KCNT1: variants seen among roughly 807,000 people sequenced by gnomAD.
KCNT1 encodes the protein potassium sodium-activated channel subfamily T member 1, also known as potassium channel subfamily T member 1.
A neutral mutation model predicts 147.8 loss-of-function variants in KCNT1; 78 were observed. The ratio of observed to expected loss-of-function variants is 0.53; its 90% confidence interval spans 0.44 to 0.64. The LOEUF (loss-of-function observed/expected upper bound fraction) is 0.64, where lower values mean the gene tolerates loss of function less well. Among genes scored for constraint, KCNT1 ranks in the 30% least tolerant of loss-of-function variants. The pLI is 0.00. For synonymous variants in KCNT1, 867 were observed against 748.8 expected (o/e 1.16, Z -2.58); for missense variants, 1,419 against 1,750.3 (o/e 0.81, Z 3.38).
At position 135,714,516 on chromosome 9, in the gene KCNT1, G is replaced by T; in HGVS notation, c.111-61G>T. The T allele has an allele frequency of 1.0e-6, 1 of 981,504 alleles. No individual in the cohort carries two copies. The highest frequency in any genetic ancestry group is 1.2e-6 in the Non-Finnish European group (1 of 826,052). The allele number at this position is 981,504 out of a possible 1,614,324, so 60.8% of individuals were successfully genotyped here. ...CGCGGGCCGGGCCTGGCGGGCCGGGGGCTGCGCGCGTCCGCGAGGGCGCCC... is the reference window on the plus strand; with the variant it reads ...CGCGGGCCGGGCCTGGCGGGCCGGGTGCTGCGCGCGTCCGCGAGGGCGCCC... On this transcript the variant is annotated intron_variant, in intron 1 of 30. Coordinates refer to ENST00000371757, the MANE Select transcript of KCNT1 (RefSeq NM_020822.3). The surrounding 1 kb of genome is among the most constrained non-coding windows in gnomAD (Gnocchi z 6.2).
At position 135,759,824 on chromosome 9, in the gene KCNT1, A is replaced by G. The variant is rs1440911694; in HGVS notation, c.1000A>G (p.Met334Val). Residue 334 changes from methionine to valine, a missense_variant, in exon 11 of 31, where the codon ATG becomes GTG. Met to Val is a conservative substitution (Grantham distance 21, BLOSUM62 1). Coordinates refer to ENST00000371757, the MANE Select transcript of KCNT1 (RefSeq NM_020822.3). ...GCCATCGCAGCTGCTGGTGGTCATC[A>G]TGATCTGCGTGGCCCTCGTGGTGCT... ...IWPSQLLVVI[M>V]ICVALVVLPL... 6.2e-7 allele frequency: 1 copy of G among 1,612,290 alleles called. No individual in the cohort carries two copies. The highest frequency in any genetic ancestry group is 8.5e-7 in the Non-Finnish European group (1 of 1,179,328).
chr9:135,710,168 G>T (rs941691756), intron 1 of KCNT1, among the ~76,000 whole-genome samples: 2 of 152,100 alleles, frequency 1.3e-5, no homozygotes, highest in African/African-American at 4.8e-5. Flanking sequence ...ATTCCTCTTG[G>T]AATAGATGAT....
chr9:135,779,195 T>C (rs187422453), intron 23 of KCNT1, among the ~76,000 whole-genome samples, 164 bp from the exon 24 acceptor site: 4 of 92,956 alleles, frequency 4.3e-5, no homozygotes, highest in African/African-American at 2.0e-4. Context: ...CGTGGGACCC[T>C]GCCCTGAGAC....
intron 3 of KCNT1, 55 bp from the exon 4 acceptor site, chr9:135,750,887 G>A: frequency 6.5e-7 from 1 of 1,539,614 alleles, no homozygotes; most frequent in South Asian, 1.1e-5. Flanking sequence ...TGCAGGCCCT[G>A]CTCCCCGAAG....
At chr9:135,784,437 G>A in intron 25 of KCNT1, 98 bp from the exon 26 acceptor site, 1 of 892,130 alleles carries the variant, frequency 1.1e-6, no homozygotes, top group Non-Finnish European at 1.8e-6. Flanking sequence ...TGGCCGGTGG[G>A]GTATGGACCT....
At chr9:135,765,250 C>T (rs989139993) in intron 12 of KCNT1, 55 bp downstream of exon 12, 31 of 1,525,764 alleles carry the variant, frequency 2.0e-5, no homozygotes, top group African/African-American at 2.7e-5. Context: ...CCTAGAGACG[C>T]CATCCTCTCC....
At chr9:135,754,027 G>T (rs763790660) in intron 5 of KCNT1, 34 bp downstream of exon 5, 2 of 1,593,234 alleles carry the variant, frequency 1.3e-6, no homozygotes, top group Non-Finnish European at 1.7e-6. Flanking sequence ...ATAGCCAGGC[G>T]CTCAGAGGCC....
intron 2 of KCNT1, among the ~76,000 whole-genome samples, chr9:135,725,649 G>C (rs930612950): frequency 1.3e-5 from 2 of 152,056 alleles, no homozygotes; most frequent in Admixed American, 1.3e-4. Flanking sequence ...CAAATGAGAG[G>C]GTGCAGGGGT....
At chr9:135,746,036 C>CT (rs1167681628) in intron 2 of KCNT1, among the ~76,000 whole-genome samples, 1 of 152,260 alleles carries the variant, frequency 6.6e-6, no homozygotes, top group Admixed American at 6.5e-5. Flanking sequence ...CGCTGCGTGA[C>CT]TCGTGAAGAC....
At chr9:135,721,266 A>C (rs1319228182) in intron 2 of KCNT1, among the ~76,000 whole-genome samples, 2 of 152,148 alleles carry the variant, frequency 1.3e-5, no homozygotes, top group Non-Finnish European at 2.9e-5. Flanking sequence ...TGCTGAGCTC[A>C]GGGAAACGCC....
At chr9:135,702,468 C>CAGG in intron 1 of KCNT1, 100 bp downstream of exon 1, 1 of 990,748 alleles carries the variant, frequency 1.0e-6, no homozygotes, top group Non-Finnish European at 1.6e-6. Context: ...ACCCGCCATT[C>CAGG]CCAGGGCCAT....
In KCNT1 at chr9:135,734,559, C is replaced by T. The variant is rs1239239783; in HGVS notation, c.255-15539C>T. On this transcript the variant is annotated intron_variant, in intron 2 of 30. Coordinates refer to ENST00000371757, the MANE Select transcript of KCNT1 (RefSeq NM_020822.3). ...CACCTGCTGCAGCCGGCTGTGGGCACTCCATGGACAACACGGCACAGATGT... is the reference window on the plus strand; with the variant it reads ...CACCTGCTGCAGCCGGCTGTGGGCATTCCATGGACAACACGGCACAGATGT... Among the ~76,000 whole-genome samples the T allele has an allele frequency of 3.9e-5, 6 of 152,306 alleles. No homozygotes were observed. The East Asian group carries it at 9.6e-4, about 24-fold the overall frequency.
At chr9:135,768,103 C>T (rs1427786213) in intron 13 of KCNT1, among the ~76,000 whole-genome samples, 3 of 151,384 alleles carry the variant, frequency 2.0e-5, no homozygotes, top group Admixed American at 6.6e-5. Flanking sequence ...AGCCTGCACA[C>T]GCTCGGGGGA....
Position 135,777,428 on chromosome 9 carries a change from C to T in KCNT1, c.2440C>T (p.Leu814=), listed in dbSNP as rs778306477. 4.3e-6 allele frequency: 7 copies of T among 1,614,072 alleles called. No individual in the cohort carries two copies. The highest frequency in any genetic ancestry group is 5.9e-6 in the Non-Finnish European group (7 of 1,179,966). ...CTCGGCAGAGACGGCCGGCAATGGGCTGTACAACTTCATCGTGCCACTGCG... is the reference window on the plus strand; with the variant it reads ...CTCGGCAGAGACGGCCGGCAATGGGTTGTACAACTTCATCGTGCCACTGCG... ...IVSAETAGNG[L]YNFIVPLRAY... Residue 814 remains leucine (L), a synonymous_variant, in exon 21 of 31, where the codon CTG becomes TTG. Coordinates refer to ENST00000371757, the MANE Select transcript of KCNT1 (RefSeq NM_020822.3).
At chr9:135,738,076 G>A (rs1188104400) in intron 2 of KCNT1, among the ~76,000 whole-genome samples, 2 of 152,166 alleles carry the variant, frequency 1.3e-5, no homozygotes, top group African/African-American at 4.8e-5. Flanking sequence ...CCCCATCCCT[G>A]TTCCTGCAGG....
intron 2 of KCNT1, among the ~76,000 whole-genome samples, chr9:135,734,480 G>A (rs1830251573): frequency 6.6e-6 from 1 of 152,340 alleles, no homozygotes; most frequent in South Asian, 2.1e-4. Flanking sequence ...AACTTCAGAC[G>A]TGGTACAGCA....
chr9:135,788,020 G>A, intron 29 of KCNT1: 1 of 1,118,832 alleles, frequency 8.9e-7, no homozygotes, highest in Admixed American at 1.7e-5. Context: ...CCCGCCCACT[G>A]TGCCGGCCGC....
chr9:135,720,460 G>C (rs1255319894), intron 2 of KCNT1, among the ~76,000 whole-genome samples: 3 of 152,110 alleles, frequency 2.0e-5, no homozygotes, highest in Non-Finnish European at 4.4e-5. Flanking sequence ...CTCCTGCGAA[G>C]AGCCTGGGAT....
In KCNT1 at chr9:135,785,339, C is replaced by T. The variant is rs781750496; in HGVS notation, c.3177+9C>T. The T allele has an allele frequency of 1.5e-5, 24 of 1,612,872 alleles. No individual in the cohort carries two copies. Among genetic ancestry groups the T allele is most frequent in the Non-Finnish European group, 1.9e-5 (22 of 1,179,952 alleles). On this transcript the variant is annotated intron_variant, in intron 28 of 30. Coordinates refer to ENST00000371757, the MANE Select transcript of KCNT1 (RefSeq NM_020822.3). ...ACGACCTCAGAGCCCAGGTAAGCAA[C>T]CCCTCCGTGCCCACGCAGCTTCTGC...
Sources: allele counts gnomAD v4.1 joint callset (sites outside exome capture counted in the v4.1 genomes callset), GRCh38; gene constraint gnomAD v4.1.1; non-coding constraint Gnocchi (gnomAD v3.1); transcripts MANE v1.5; gene names NCBI Gene and HGNC (gene_info 2026-07-23, HGNC 2026-07-21).